The following SYT9 variants were observed in gnomAD, a reference collection of about 807,000 sequenced individuals.
SYT9 encodes the protein synaptotagmin 9, also known as synaptotagmin-9.
SYT9 carries 22 observed loss-of-function variants against 48.4 expected under a neutral mutation model. That is an observed-to-expected ratio of 0.45 (90% confidence interval 0.32 to 0.65). The LOEUF is 0.65. SYT9 is among the 30% of genes least tolerant of loss of function. SYT9 has a pLI of 0.03. For missense variants in SYT9, 577 were observed against 622.0 expected, an observed-to-expected ratio of 0.93 and a Z score of 0.77; for synonymous variants, 265 against 245.0, an observed-to-expected ratio of 1.08 and a Z score of -0.76.
intron 3 of SYT9, among the ~76,000 whole-genome samples, chr11:7,336,612 C>T (rs1849635146): frequency 6.6e-6 from 1 of 152,088 alleles, no homozygotes; most frequent in Non-Finnish European, 1.5e-5. Flanking sequence ...TTCCCCATTG[C>T]TTGTTTTTTC....
At chr11:7,239,465 C>G (rs1403690685) in intron 1 of SYT9, among the ~76,000 whole-genome samples, 1 of 152,126 alleles carries the variant, frequency 6.6e-6, no homozygotes, top group Admixed American at 6.5e-5. Context: ...CATCCCAAAC[C>G]TAACACTGGA....
chr11:7,330,600 T>G (rs1442375157), intron 3 of SYT9, among the ~76,000 whole-genome samples: 1 of 152,152 alleles, frequency 6.6e-6, no homozygotes, highest in Non-Finnish European at 1.5e-5. Context: ...TAGGAAGATA[T>G]AGAATAGATA....
intron 3 of SYT9, among the ~76,000 whole-genome samples, chr11:7,380,328 G>A (rs538268761): frequency 3.9e-5 from 6 of 152,000 alleles, no homozygotes; most frequent in Non-Finnish European, 8.8e-5. Flanking sequence ...TGGGTAATGG[G>A]CACAAAAAAA....
chr11:7,353,222 G>A (rs1408889064), intron 3 of SYT9, among the ~76,000 whole-genome samples: 5 of 152,062 alleles, frequency 3.3e-5, no homozygotes, highest in African/African-American at 4.8e-5. Context: ...CAAGAGGAAC[G>A]GGGTTTTTTT....
chr11:7,247,599 G>GTA (rs754530851), upstream of SYT9, among the ~76,000 whole-genome samples: 1 of 141,442 alleles, frequency 7.1e-6, no homozygotes, highest in African/African-American at 2.7e-5. Context: ...GTATATATAC[G>GTA]TATATATACA....
Position 7,313,574 on chromosome 11 carries a change from T to G in SYT9, c.677T>G (p.Phe226Cys). 1 of 1,614,120 alleles carries G rather than the reference T, an allele frequency of 6.2e-7. No homozygotes were observed. Among genetic ancestry groups the G allele is most frequent in the Non-Finnish European group, 8.5e-7 (1 of 1,180,002 alleles). Reference protein sequence around the residue: ...SNSKACGKLNFILKYDCDLEQ... With the variant: ...SNSKACGKLNCILKYDCDLEQ... ...AGCAAGGCTTGTGGGAAACTGAACTTCATTTTAAAATATGACTGTGACTTA... is the reference window on the plus strand; with the variant it reads ...AGCAAGGCTTGTGGGAAACTGAACTGCATTTTAAAATATGACTGTGACTTA... Residue 226 changes from phenylalanine (F) to cysteine (C), a missense_variant, in exon 3 of 7, where the codon TTC becomes TGC. By Grantham distance (205) the Phe-to-Cys change is radical. Coordinates refer to ENST00000318881, the MANE Select transcript of SYT9 (RefSeq NM_175733.4).
intron 1 of SYT9, among the ~76,000 whole-genome samples, chr11:7,295,840 A>G (rs1186508429): frequency 6.6e-6 from 1 of 152,174 alleles, no homozygotes; most frequent in Non-Finnish European, 1.5e-5. Context: ...TTTCTTGATT[A>G]GTAGTTCCTT....
At chr11:7,413,642 C>CT (rs1277015567) in intron 3 of SYT9, among the ~76,000 whole-genome samples, 1 of 152,128 alleles carries the variant, frequency 6.6e-6, no homozygotes, top group Non-Finnish European at 1.5e-5. Flanking sequence ...CTTCCTGTCA[C>CT]TTTTTTGTGG....
chr11:7,389,635 C>A (rs1311719189), intron 3 of SYT9, among the ~76,000 whole-genome samples: 1 of 151,892 alleles, frequency 6.6e-6, no homozygotes, highest in African/African-American at 2.4e-5. Context: ...AGACAAGGTA[C>A]AAAATAAAAA....
chr11:7,260,055 C>T (rs1487868), intron 1 of SYT9, among the ~76,000 whole-genome samples: 76,426 of 151,946 alleles, frequency 0.5, 19,709 homozygotes, highest in Non-Finnish European at 0.56. Context: ...TACTTAACCA[C>T]GTTGAATTGA....
chr11:7,282,885 C>T (rs758612397), intron 1 of SYT9, among the ~76,000 whole-genome samples: 7 of 150,850 alleles, frequency 4.6e-5, no homozygotes, highest in Non-Finnish European at 1.0e-4. Flanking sequence ...AATAATTATC[C>T]AAGTAATATA....
chr11:7,335,764 T>A (rs2133983732), intron 3 of SYT9, among the ~76,000 whole-genome samples: 1 of 152,308 alleles, frequency 6.6e-6, no homozygotes, highest in East Asian at 1.9e-4. Flanking sequence ...GGCATTTAGG[T>A]TGATTCCATG....
chr11:7,436,418 AT>A, intron 6 of SYT9, among the ~76,000 whole-genome samples: 1 of 152,258 alleles, frequency 6.6e-6, no homozygotes, highest in South Asian at 2.1e-4. Context: ...ATTAACATGG[AT>A]TTGCATTTGA....
chr11:7,394,174 A>G (rs1020215081), intron 3 of SYT9, among the ~76,000 whole-genome samples: 19 of 141,480 alleles, frequency 1.3e-4, no homozygotes, highest in African/African-American at 4.8e-4. Context: ...ATGTGTTCTC[A>G]TTGTTCAATT....
chr11:7,310,504 T>A (rs1305859426), intron 2 of SYT9, among the ~76,000 whole-genome samples: 2 of 139,844 alleles, frequency 1.4e-5, no homozygotes, highest in African/African-American at 5.4e-5. Flanking sequence ...TGGAGTACAG[T>A]GGCACAATCT....
At position 7,314,535 on chromosome 11, in the gene SYT9, C is replaced by G. The variant is rs114228781; in HGVS notation, c.1044+594C>G. Among the ~76,000 whole-genome samples, 997 of 152,304 alleles carry G rather than the reference C, an allele frequency of 6.5e-3. 11 individuals carry two copies. Among genetic ancestry groups the G allele is most frequent in the African/African-American group, 0.023 (954 of 41,566 alleles). On this transcript the variant is annotated intron_variant, in intron 3 of 6. Transcript: ENST00000318881. Reference sequence around the variant, plus strand: ...ATGGCAAAACTAATCTATCGACAGTCACATCCAATTTAGGGCTCAGGAGAG... The same window carrying G: ...ATGGCAAAACTAATCTATCGACAGTGACATCCAATTTAGGGCTCAGGAGAG...
chr11:7,286,101 T>C (rs1848590370), intron 1 of SYT9, among the ~76,000 whole-genome samples: 1 of 152,178 alleles, frequency 6.6e-6, no homozygotes, highest in African/African-American at 2.4e-5. Flanking sequence ...CTAGGCAGTG[T>C]CCCAGTGGGG....
intron 1 of SYT9, among the ~76,000 whole-genome samples, chr11:7,260,626 G>T (rs1299158518): frequency 1.3e-5 from 2 of 152,184 alleles, no homozygotes; most frequent in African/African-American, 2.4e-5. Flanking sequence ...TCAGTTCCAT[G>T]AATGCAGCTT....
intron 3 of SYT9, among the ~76,000 whole-genome samples, chr11:7,373,795 T>G (rs934592167): frequency 1.3e-5 from 2 of 152,130 alleles, no homozygotes; most frequent in African/African-American, 4.8e-5. Context: ...TTAAATTTTC[T>G]CTGTTAGAGA....
Sources: allele counts gnomAD v4.1 joint callset (sites outside exome capture counted in the v4.1 genomes callset), GRCh38; gene constraint gnomAD v4.1.1; transcripts MANE v1.5; gene names NCBI Gene and HGNC (gene_info 2026-07-23, HGNC 2026-07-21).